FBH1: variants seen among roughly 807,000 people sequenced by gnomAD.
FBH1 encodes the protein F-box DNA helicase 1, also known as DNA 3'-5' helicase 1.
FBH1 carries 43 observed loss-of-function variants against 115.5 expected under a neutral mutation model. The observed-to-expected ratio is 0.37, with a 90% CI of 0.29 to 0.48. The LOEUF (loss-of-function observed/expected upper bound fraction) is 0.48. FBH1 is among the 20% of genes least tolerant of loss of function. The pLI is 0.99. For missense variants in FBH1, 1,001 were observed against 1,337.3 expected (o/e 0.75, Z 3.92); for synonymous variants, 524 against 507.8 (o/e 1.03, Z -0.43).
rs780472383 is a variant in FBH1 at position 5,924,389 on chromosome 10, C to T, written c.2477C>T (p.Thr826Ile). ...TTTAGTGGCTTCAAGAGGTATGTGA[C>T]CGCTGCCGAGGACAAGGAGCTTGAA... The part of the protein sequence containing the change: ...EGFSGFKRYV[T>I]AAEDKELEAK... Residue 826 changes from threonine to isoleucine, a missense_variant, in exon 17 of 21, where the codon ACC becomes ATC. Coordinates refer to ENST00000362091, the MANE Select transcript of FBH1 (RefSeq NM_178150.3). This position sits in a 1 kb window ranked among gnomAD's most constrained non-coding sequence, Gnocchi z 6.2. 45 of 1,614,074 alleles carry T rather than the reference C, an allele frequency of 2.8e-5. No homozygotes were observed. Among genetic ancestry groups the T allele is most frequent in the Non-Finnish European group, 3.6e-5 (43 of 1,180,034 alleles).
chr10:5,893,500 GA>G (rs1218556892), intron 1 of FBH1, among the ~76,000 whole-genome samples: 1 of 152,100 alleles, frequency 6.6e-6, no homozygotes, highest in Non-Finnish European at 1.5e-5. Context: ...TTGTTTTGAT[GA>G]AGCCCAGCTT....
Position 5,914,321 on chromosome 10 carries a change from C to A in FBH1, c.1396+52C>A. On this transcript the variant is annotated intron_variant, in intron 8 of 20. Transcript: ENST00000362091. The surrounding 1 kb of genome is among the most constrained non-coding windows in gnomAD (Gnocchi z 5.2). ...AGGTGGTGGTTTTCTGCCTTTTCTC[C>A]CTACATCCCCTTCCCGCTACCTGCC... The A allele has an allele frequency of 6.8e-7, 1 of 1,471,028 alleles. No individual in the cohort carries two copies. Among genetic ancestry groups the A allele is most frequent in the Non-Finnish European group, 9.5e-7 (1 of 1,049,764 alleles). The allele number at this position is 1,471,028 out of a possible 1,614,324, so 91.1% of individuals were successfully genotyped here. A position where few individuals can be genotyped will look rare whatever the true frequency, so the allele number is the denominator to read the frequency against.
intron 13 of FBH1, among the ~76,000 whole-genome samples, chr10:5,920,718 C>T (rs1832260008): frequency 1.3e-5 from 2 of 152,224 alleles, no homozygotes; most frequent in African/African-American, 4.8e-5. Flanking sequence ...AAAGGCTGTA[C>T]ACACCCCGAG....
At chr10:5,902,484 C>T (rs577019647) in intron 1 of FBH1, among the ~76,000 whole-genome samples, 2 of 152,094 alleles carry the variant, frequency 1.3e-5, no homozygotes, top group African/African-American at 4.8e-5. Context: ...CCACTAGTGA[C>T]AACTTCTTTT....
At position 5,915,398 on chromosome 10, in the gene FBH1, C is replaced by G; in HGVS notation, c.1397-5C>G. On this transcript the variant is annotated splice_region_variant and splice_polypyrimidine_tract_variant and intron_variant, in intron 8 of 20. Transcript: ENST00000362091. This position sits in a 1 kb window ranked among gnomAD's most constrained non-coding sequence, Gnocchi z 5.2. ...GGTCACCTCCTTTCCTCCTGGCTTC[C>G]CCAGGCACTGGGAAGACCTCAACGC... 6.2e-7 allele frequency: 1 copy of G among 1,614,004 alleles called. No homozygotes were observed. Among genetic ancestry groups the G allele is most frequent in the Non-Finnish European group, 8.5e-7 (1 of 1,179,932 alleles).
intron 1 of FBH1, among the ~76,000 whole-genome samples, chr10:5,893,058 CA>C (rs916823236): frequency 6.6e-6 from 1 of 152,210 alleles, no homozygotes; most frequent in African/African-American, 2.4e-5. Context: ...GTAATCCTAC[CA>C]CTTTGGGAGG....
chr10:5,922,888 A>C (rs1184437151), intron 15 of FBH1, among the ~76,000 whole-genome samples: 2 of 152,030 alleles, frequency 1.3e-5, no homozygotes, highest in Non-Finnish European at 2.9e-5. Context: ...GACGTTCTGT[A>C]ATTTCTTTTT....
At position 5,908,877 on chromosome 10, in the gene FBH1, T is replaced by C. The variant is rs758098907; in HGVS notation, c.754-48T>C. On this transcript the variant is annotated intron_variant, in intron 3 of 20. Coordinates refer to ENST00000362091, the MANE Select transcript of FBH1 (RefSeq NM_178150.3). ...CTGCCCGCCTCATTAATCTGCTTTC[T>C]AATGGCCCTTTGCCTCATGTTATTT... is the stretch of plus-strand genomic sequence containing the variant. The C allele has an allele frequency of 1.8e-5, 29 of 1,607,470 alleles. No homozygotes were observed. The African/African-American group carries it at 3.3e-4, about 19-fold the overall frequency.
In FBH1 at chr10:5,921,660, A is replaced by G. The variant is rs185829004; in HGVS notation, c.2322+91A>G. ...AATGTTCACCTTCCTTGGGATTATCATGCAAGAAAGCATTTGGGTTTTTGA... is the reference window on the plus strand; with the variant it reads ...AATGTTCACCTTCCTTGGGATTATCGTGCAAGAAAGCATTTGGGTTTTTGA... On this transcript the variant is annotated intron_variant, in intron 15 of 20. Coordinates refer to ENST00000362091, the MANE Select transcript of FBH1 (RefSeq NM_178150.3). The surrounding 1 kb of genome is among the most constrained non-coding windows in gnomAD (Gnocchi z 6.4). The G allele has an allele frequency of 6.5e-7, 1 of 1,532,268 alleles. No homozygotes were observed. The highest frequency in any genetic ancestry group is 8.7e-7 in the Non-Finnish European group (1 of 1,144,010). 94.9% of individuals were successfully genotyped at this position (1,532,268 alleles called of 1,614,324 possible). A position where few individuals can be genotyped will look rare whatever the true frequency, so the allele number is the denominator to read the frequency against.
At chr10:5,893,273 C>G (rs1471628784) in intron 1 of FBH1, among the ~76,000 whole-genome samples, 1 of 152,120 alleles carries the variant, frequency 6.6e-6, no homozygotes, top group African/African-American at 2.4e-5. Flanking sequence ...GCCATTGTAC[C>G]CCAGCCTGGA....
rs140792473 is a variant in FBH1, at chr10:5,903,073, C to T, written c.55C>T (p.Arg19Trp). The T allele has an allele frequency of 2.9e-5, 46 of 1,613,562 alleles. No homozygotes were observed. Among genetic ancestry groups the T allele is most frequent in the Admixed American group, 8.3e-5 (5 of 59,940 alleles). The part of the protein sequence containing the change: ...LTAIDCQHLA[R>W]SHLAVTQPFG... Reference sequence around the variant, plus strand: ...TGCCATTGACTGCCAGCATTTGGCTCGGAGTCACTTGGCTGTGACCCAGCC... The same window carrying T: ...TGCCATTGACTGCCAGCATTTGGCTTGGAGTCACTTGGCTGTGACCCAGCC... Residue 19 changes from arginine to tryptophan, a missense_variant, in exon 2 of 21, where the codon CGG (arginine) becomes TGG (tryptophan). Arg to Trp is a moderately radical substitution (Grantham distance 101). Transcript: ENST00000362091.
chr10:5,905,982 C>A, intron 2 of FBH1, 55 bp from the exon 3 acceptor site: 1 of 1,255,532 alleles, frequency 8.0e-7, no homozygotes, highest in Non-Finnish European at 1.1e-6. Context: ...GGATTAACAG[C>A]AGGTCAACAG....
rs1345227569 is a variant in FBH1 at position 5,895,452 on chromosome 10, C to G, written c.1+5106C>G. On this transcript the variant is annotated intron_variant, in intron 1 of 20. Transcript: ENST00000362091. This position sits in a 1 kb window ranked among gnomAD's most constrained non-coding sequence, Gnocchi z 5.0. The stretch of plus-strand genomic sequence containing the variant: ...TCTGTAACCTAAAAGTTTTAAAGGA[C>G]TTTTTGGTATGAATTCTGATTAGTA... Among the ~76,000 whole-genome samples, 1 of 151,978 alleles carries G rather than the reference C, an allele frequency of 6.6e-6. No individual in the cohort carries two copies. The highest frequency in any genetic ancestry group is 1.5e-5 in the Non-Finnish European group (1 of 68,012).
intron 15 of FBH1, among the ~76,000 whole-genome samples, chr10:5,922,994 T>A (rs1832400472): frequency 6.6e-6 from 1 of 152,220 alleles, no homozygotes; most frequent in Non-Finnish European, 1.5e-5. Flanking sequence ...GAGATTCTCG[T>A]GCCTCGGCCT....
chr10:5,922,716 C>T (rs1832384182), intron 15 of FBH1, among the ~76,000 whole-genome samples: 1 of 152,118 alleles, frequency 6.6e-6, no homozygotes, highest in Admixed American at 6.5e-5. Flanking sequence ...GTGTGGGGCC[C>T]TGGTTGTGTC....
intron 1 of FBH1, chr10:5,894,557 A>T (rs1301897833): frequency 1.2e-6 from 1 of 808,102 alleles, no homozygotes; most frequent in African/African-American, 1.7e-5. Context: ...CAATTGTAGG[A>T]TTGCTTTGAG....
In FBH1 at chr10:5,909,307, G is replaced by A; in HGVS notation, c.1020+13G>A. On this transcript the variant is annotated intron_variant, in intron 5 of 20. Transcript: ENST00000362091. The surrounding 1 kb of genome is among the most constrained non-coding windows in gnomAD (Gnocchi z 4.4). ...CGCTGCTGCCGGGGTAGGTCTGGAG[G>A]CTGCGGGAGAAGGCGGCATGTTATT... 6.2e-7 allele frequency: 1 copy of A among 1,603,216 alleles called. No individual in the cohort carries two copies. Among genetic ancestry groups the A allele is most frequent in the Non-Finnish European group, 8.5e-7 (1 of 1,177,790 alleles).
intron 18 of FBH1, among the ~76,000 whole-genome samples, chr10:5,926,110 CTTA>C (rs1177571386): frequency 2.4e-5 from 3 of 127,532 alleles, no homozygotes; most frequent in East Asian, 3.2e-4. Context: ...TATTCTTATT[CTTA>C]TTCTTCTTAT....
Position 5,913,102 on chromosome 10 carries a change from C to T in FBH1, c.1212-645C>T, listed in dbSNP as rs779718618. 1.1e-4 allele frequency among the ~76,000 whole-genome samples: 16 copies of T among 152,088 alleles called. No homozygotes were observed. Among genetic ancestry groups the T allele is most frequent in the East Asian group, 1.9e-4 (1 of 5,188 alleles). On this transcript the variant is annotated intron_variant, in intron 6 of 20. Transcript: ENST00000362091. The surrounding 1 kb of genome is among the most constrained non-coding windows in gnomAD (Gnocchi z 4.4). ...GGGGAGACTTGGAGAGGCTTTGGAA[C>T]GGCGTGTGCCAGCTGAGTCTGACGA... is the stretch of plus-strand genomic sequence containing the variant.
Sources: gnomAD v4.1 joint callset for allele counts (sites outside exome capture counted in the v4.1 genomes callset) on GRCh38, gnomAD v4.1.1 for gene constraint, Gnocchi (gnomAD v3.1) non-coding constraint, MANE v1.5 for transcripts, NCBI Gene and HGNC (gene_info 2026-07-23, HGNC 2026-07-21) for gene names.